ZNF804A: variants seen among roughly 807,000 people sequenced by gnomAD.
ZNF804A encodes the protein zinc finger protein 804A.
Under a neutral mutation model 16.5 loss-of-function variants are expected in ZNF804A, and 2 were observed. The observed-to-expected ratio is 0.12, with a 90% CI of 0.05 to 0.38. The LOEUF is 0.38. Ranked by LOEUF, ZNF804A falls within the 10% of genes least tolerant of loss-of-function variation. The pLI is 0.99. For synonymous variants in ZNF804A, 534 were observed against 489.6 expected (o/e 1.09, Z -1.20); for missense variants, 1,473 against 1,390.7 (o/e 1.06, Z -0.94).
chr2:184,679,042 A>G (rs1273091978), intron 1 of ZNF804A, among the ~76,000 whole-genome samples: 1 of 152,250 alleles, frequency 6.6e-6, no homozygotes, highest in African/African-American at 2.4e-5. Flanking sequence ...AAATAAAAGA[A>G]ACATGTCTAG....
chr2:184,719,435 C>A (rs1294055447), intron 1 of ZNF804A, among the ~76,000 whole-genome samples: 2 of 152,168 alleles, frequency 1.3e-5, no homozygotes, highest in African/African-American at 4.8e-5. Flanking sequence ...GCTGGAATTT[C>A]TTCCCAGAAA....
intron 1 of ZNF804A, among the ~76,000 whole-genome samples, chr2:184,670,854 T>C (rs1250992097): frequency 2.0e-5 from 3 of 152,268 alleles, no homozygotes; most frequent in Middle Eastern, 3.4e-3. Flanking sequence ...CTTGAATGGA[T>C]GGGTGTCTAT....
chr2:184,874,064 G>A (rs1217842403), intron 2 of ZNF804A, among the ~76,000 whole-genome samples: 1 of 152,112 alleles, frequency 6.6e-6, no homozygotes, highest in African/African-American at 2.4e-5. Flanking sequence ...GGTGTTTCAT[G>A]AAAGAATCTT....
intron 1 of ZNF804A, among the ~76,000 whole-genome samples, chr2:184,621,859 C>T (rs554367131): frequency 4.6e-5 from 7 of 151,526 alleles, no homozygotes; most frequent in Non-Finnish European, 8.9e-5. Flanking sequence ...CAAACAAATC[C>T]AGAGATTTGA....
In ZNF804A at chr2:184,930,049, AAC is replaced by A. The variant is rs1385602036; in HGVS notation, c.256-3548_256-3547del. On this transcript the variant is annotated intron_variant, in intron 2 of 3. Transcript: ENST00000302277. ...ACTTGCCCACATATACACTCATAGA[AAC>A]ACACAATGAAAGTAAAAATATTTTC... is the stretch of plus-strand genomic sequence containing the variant. Among the ~76,000 whole-genome samples, 4 of 152,198 alleles carry A rather than the reference AAC, an allele frequency of 2.6e-5. 1 individual carries two copies. The highest frequency in any genetic ancestry group is 5.9e-5 in the Non-Finnish European group (4 of 68,034).
chr2:184,920,912 G>T (rs1685519543), intron 2 of ZNF804A, among the ~76,000 whole-genome samples: 1 of 152,204 alleles, frequency 6.6e-6, no homozygotes, highest in African/African-American at 2.4e-5. Flanking sequence ...CCAACTTCTT[G>T]ATTGATGAAA....
chr2:184,890,021 C>G (rs961514464), intron 2 of ZNF804A, among the ~76,000 whole-genome samples: 1 of 151,972 alleles, frequency 6.6e-6, no homozygotes, highest in African/African-American at 2.4e-5. Context: ...TTTTATAAAA[C>G]AAGCAGATAT....
At chr2:184,704,415 G>T (rs918629298) in intron 1 of ZNF804A, among the ~76,000 whole-genome samples, 1 of 152,102 alleles carries the variant, frequency 6.6e-6, no homozygotes, top group Admixed American at 6.5e-5. Flanking sequence ...GCCTCCCAAA[G>T]TCCTGGGATT....
chr2:184,742,262 C>A (rs891161268), intron 1 of ZNF804A, among the ~76,000 whole-genome samples: 1 of 151,804 alleles, frequency 6.6e-6, no homozygotes, highest in African/African-American at 2.4e-5. Flanking sequence ...TGTTCTATTT[C>A]TTATTATCCA....
chr2:184,710,658 A>C (rs1384274184), intron 1 of ZNF804A, among the ~76,000 whole-genome samples: 2 of 151,688 alleles, frequency 1.3e-5, no homozygotes, highest in Admixed American at 6.6e-5. Flanking sequence ...TTTGAAAAAG[A>C]ACTCCTTATT....
intron 1 of ZNF804A, among the ~76,000 whole-genome samples, chr2:184,617,377 G>A (rs929479513): frequency 4.0e-5 from 6 of 151,848 alleles, no homozygotes; most frequent in African/African-American, 1.4e-4. Flanking sequence ...TAAAACCATT[G>A]TGTTGAATAA....
intron 2 of ZNF804A, among the ~76,000 whole-genome samples, chr2:184,924,305 G>A (rs1226576042): frequency 3.3e-5 from 5 of 151,674 alleles, no homozygotes; most frequent in Admixed American, 3.3e-4. Flanking sequence ...GCTTGTATAT[G>A]TCTAGGAATT....
At chr2:184,802,244 T>C (rs1441565767) in intron 1 of ZNF804A, among the ~76,000 whole-genome samples, 2 of 152,154 alleles carry the variant, frequency 1.3e-5, no homozygotes, top group Non-Finnish European at 2.9e-5. Flanking sequence ...AGGAGAGACA[T>C]GAAAGTTACA....
At chr2:184,653,199 T>C (rs1692017190) in intron 1 of ZNF804A, among the ~76,000 whole-genome samples, 1 of 152,210 alleles carries the variant, frequency 6.6e-6, no homozygotes, top group Non-Finnish European at 1.5e-5. Flanking sequence ...TGTTGCATGA[T>C]TGGGAATTCA....
intron 1 of ZNF804A, among the ~76,000 whole-genome samples, chr2:184,721,635 G>A (rs942600898): frequency 1.3e-5 from 2 of 152,048 alleles, no homozygotes; most frequent in Non-Finnish European, 2.9e-5. Context: ...CACTGTTGGT[G>A]GAAATGTACA....
intron 1 of ZNF804A, among the ~76,000 whole-genome samples, chr2:184,637,464 T>C (rs1691719887): frequency 1.3e-5 from 2 of 152,204 alleles, no homozygotes; most frequent in African/African-American, 4.8e-5. Context: ...TGTTTTCTGT[T>C]TAACGACAAT....
intron 1 of ZNF804A, among the ~76,000 whole-genome samples, chr2:184,747,695 A>G (rs1693811093): frequency 6.6e-6 from 1 of 150,724 alleles, no homozygotes. Context: ...TTTTAATTTT[A>G]GCTTTTATTT....
chr2:184,708,645 T>C (rs549774424), intron 1 of ZNF804A, among the ~76,000 whole-genome samples: 1 of 152,278 alleles, frequency 6.6e-6, no homozygotes, highest in Admixed American at 6.5e-5. Context: ...TATATTGCCA[T>C]ATACAAATAT....
chr2:184,674,093 GT>G (rs1350609621), intron 1 of ZNF804A, among the ~76,000 whole-genome samples: 2 of 151,974 alleles, frequency 1.3e-5, no homozygotes, highest in African/African-American at 4.8e-5. Flanking sequence ...CAAATGGCAA[GT>G]TTTTTTATTG....
Sources: gnomAD v4.1 joint callset for allele counts (sites outside exome capture counted in the v4.1 genomes callset) on GRCh38, gnomAD v4.1.1 for gene constraint, MANE v1.5 for transcripts, NCBI Gene and HGNC (gene_info 2026-07-23, HGNC 2026-07-21) for gene names.